SGK1: variants seen among roughly 807,000 people sequenced by gnomAD.
SGK1 encodes the protein serum/glucocorticoid regulated kinase 1, also known as serine/threonine-protein kinase Sgk1.
A neutral mutation model predicts 64.2 loss-of-function variants in SGK1; 26 were observed. The observed-to-expected ratio is 0.40, with a 90% CI of 0.30 to 0.56. The LOEUF is 0.56. Among genes scored for constraint, SGK1 ranks in the 20% least tolerant of loss-of-function variants. SGK1 has a pLI of 0.38. For synonymous variants in SGK1, 265 were observed against 239.7 expected, an observed-to-expected ratio of 1.11 and a Z score of -0.98; for missense variants, 519 against 645.6, an observed-to-expected ratio of 0.80 and a Z score of 2.12.
chr6:134,199,669 A>T (rs9483662), intron 3 of SGK1, among the ~76,000 whole-genome samples: 2,100 of 151,152 alleles, frequency 0.014, 55 homozygotes, highest in African/African-American at 0.048. Flanking sequence ...TGTAGAAAAA[A>T]ATATATATAT....
At chr6:134,269,018 T>C (rs1416154214) in intron 1 of SGK1, among the ~76,000 whole-genome samples, 1 of 146,744 alleles carries the variant, frequency 6.8e-6, no homozygotes, top group African/African-American at 2.4e-5. Context: ...ATTAAAGAGA[T>C]TGGCTGGCTT....
In SGK1 at chr6:134,173,072, T is replaced by C. The variant is rs766160360; in HGVS notation, c.785A>G (p.Gln262Arg). The C allele has an allele frequency of 1.2e-6, 2 of 1,614,124 alleles. No homozygotes were observed. Among genetic ancestry groups the C allele is most frequent in the Admixed American group, 1.7e-5 (1 of 60,016 alleles). The change falls in exon 8 of 14, where the codon CAG becomes CGG. Residue 262 changes from glutamine (Q) to arginine (R), a missense_variant. Gln to Arg is a conservative substitution (Grantham distance 43). Transcript: ENST00000367858. Reference sequence around the variant, plus strand: ...GACAAAGTACAATTTGTCAGCAGTCTGGAAAGAGAAGTGAAGGCCCACCAG... The same window carrying C: ...GACAAAGTACAATTTGTCAGCAGTCCGGAAAGAGAAGTGAAGGCCCACCAG... ...PFLVGLHFSF[Q>R]TADKLYFVLD...
At chr6:134,174,645 C>G in intron 3 of SGK1, 59 bp from the exon 4 acceptor site, 1 of 1,603,920 alleles carries the variant, frequency 6.2e-7, no homozygotes, top group South Asian at 1.1e-5. Context: ...CGTCCGGCGC[C>G]ACACACACTA....
intron 3 of SGK1, chr6:134,175,499 G>A (rs1775203278): frequency 7.0e-7 from 1 of 1,425,148 alleles, no homozygotes; most frequent in East Asian, 3.0e-5. Flanking sequence ...AAGCCGCTCT[G>A]GGGAAGTGAG....
chr6:134,295,252 A>T (rs1213285525), intron 1 of SGK1, among the ~76,000 whole-genome samples: 2 of 152,174 alleles, frequency 1.3e-5, no homozygotes, highest in African/African-American at 4.8e-5. Flanking sequence ...GAGAAGCAGG[A>T]GAAAGAAGAA....
At chr6:134,206,354 TATATATATATATATATATATATATATA>T (rs1161216785) in intron 3 of SGK1, among the ~76,000 whole-genome samples, 8 of 9,728 alleles carry the variant, frequency 8.2e-4, no homozygotes, top group East Asian at 1.5e-3. Context: ...TATATATATA[TATATATATATATATATATATATATATA>T]TATTTTTTTT....
At chr6:134,283,858 G>T (rs1777136738) in intron 1 of SGK1, among the ~76,000 whole-genome samples, 1 of 99,482 alleles carries the variant, frequency 1.0e-5, no homozygotes, top group African/African-American at 4.1e-5. Flanking sequence ...ACAAGACGCT[G>T]TCCCCTGCCA....
At chr6:134,274,066 C>T (rs953438651) in intron 1 of SGK1, among the ~76,000 whole-genome samples, 3 of 152,024 alleles carry the variant, frequency 2.0e-5, no homozygotes, top group East Asian at 1.9e-4. Context: ...TGCAGTGGTG[C>T]GATCTTGGCT....
chr6:134,174,847 A>G (rs770049920), intron 3 of SGK1: 4 of 1,612,908 alleles, frequency 2.5e-6, no homozygotes, highest in East Asian at 2.2e-5. Flanking sequence ...GCGCTCAAAG[A>G]CCGGCTCGGC....
intron 3 of SGK1, 79 bp downstream of exon 3, chr6:134,207,277 A>G (rs1055348078): frequency 1.1e-6 from 1 of 871,432 alleles, no homozygotes; most frequent in African/African-American, 1.7e-5. Context: ...TTCCCCCCAA[A>G]CCTTGCCTTT....
At chr6:134,262,575 G>A (rs1170444926) in intron 1 of SGK1, among the ~76,000 whole-genome samples, 1 of 151,642 alleles carries the variant, frequency 6.6e-6, no homozygotes, top group South Asian at 2.1e-4. Context: ...AGCCAGGCCT[G>A]GTGGTACACG....
At chr6:134,170,741 C>T (rs1774988457) in intron 13 of SGK1, 85 bp downstream of exon 13, 1 of 909,538 alleles carries the variant, frequency 1.1e-6, no homozygotes, top group Non-Finnish European at 1.7e-6. Flanking sequence ...CCAATGTATT[C>T]CTTCCAACCC....
intron 2 of SGK1, among the ~76,000 whole-genome samples, chr6:134,250,200 A>G (rs1389234196): frequency 9.2e-5 from 14 of 152,216 alleles, no homozygotes; most frequent in Admixed American, 9.2e-4. Flanking sequence ...GCCAATGAAC[A>G]TTGGAAAAGC....
At chr6:134,208,864 G>A (rs1474971515) in intron 2 of SGK1, among the ~76,000 whole-genome samples, 7 of 140,016 alleles carry the variant, frequency 5.0e-5, no homozygotes, top group African/African-American at 1.8e-4. Flanking sequence ...ACATGTATGT[G>A]TATATATGCA....
intron 1 of SGK1, among the ~76,000 whole-genome samples, chr6:134,295,893 A>G (rs1001934800): frequency 2.6e-5 from 4 of 152,162 alleles, no homozygotes; most frequent in Non-Finnish European, 4.4e-5. Flanking sequence ...GGGAGTGGGA[A>G]CCCATGGCAA....
chr6:134,297,643 C>T (rs188736944), intron 1 of SGK1: 24 of 436,718 alleles, frequency 5.5e-5, no homozygotes, highest in Admixed American at 4.9e-4. Context: ...GCTGCAATTA[C>T]AGGCGTGCAC....
chr6:134,265,635 T>C (rs912056124), intron 1 of SGK1, among the ~76,000 whole-genome samples: 9 of 138,620 alleles, frequency 6.5e-5, no homozygotes, highest in African/African-American at 1.4e-4. Context: ...TATATATACA[T>C]ATATATATAC....
At chr6:134,267,893 A>G (rs1776877605) in intron 1 of SGK1, among the ~76,000 whole-genome samples, 1 of 152,196 alleles carries the variant, frequency 6.6e-6, no homozygotes, top group Non-Finnish European at 1.5e-5. Context: ...CTTTGTCTTA[A>G]AAAGGTTTTG....
chr6:134,309,556 G>A (rs1430396646), intron 1 of SGK1, among the ~76,000 whole-genome samples: 3 of 152,204 alleles, frequency 2.0e-5, no homozygotes, highest in Non-Finnish European at 4.4e-5. Context: ...AGGATTCACT[G>A]AGAGTGAGGT....
Sources: allele counts gnomAD v4.1 joint callset (sites outside exome capture counted in the v4.1 genomes callset), GRCh38; gene constraint gnomAD v4.1.1; transcripts MANE v1.5; gene names NCBI Gene and HGNC (gene_info 2026-07-23, HGNC 2026-07-21).